The following KLHL3 variants were observed in gnomAD, a reference collection of about 807,000 sequenced individuals.
KLHL3 encodes the protein kelch like family member 3, also known as kelch-like protein 3.
In KLHL3, 19 loss-of-function variants were observed where a neutral mutation model predicts 70.5. The ratio of observed to expected loss-of-function variants is 0.27; its 90% CI spans 0.19 to 0.40. The LOEUF is 0.40. Ranked by LOEUF, KLHL3 falls within the 10% of genes least tolerant of loss-of-function variation. KLHL3 has a pLI of 1.00. For synonymous variants in KLHL3, 258 were observed against 290.3 expected, an observed-to-expected ratio of 0.89 and a Z score of 1.13; for missense variants, 512 against 771.1, an observed-to-expected ratio of 0.66 and a Z score of 3.98.
chr5:137,683,737 TTCTCTC>T (rs377097204), intron 5 of KLHL3, among the ~76,000 whole-genome samples: 25 of 141,434 alleles, frequency 1.8e-4, no homozygotes, highest in African/African-American at 5.5e-4. Context: ...CTCCCTCTCT[TTCTCTC>T]TCTCTCTCTC....
chr5:137,629,925 G>T (rs1373967898), intron 12 of KLHL3: 1 of 152,156 alleles, frequency 6.6e-6, no homozygotes, highest in African/African-American at 2.4e-5. Flanking sequence ...AGCGAGCTGC[G>T]TTCCAGGCAC....
chr5:137,713,732 T>C (rs981989012), intron 2 of KLHL3, among the ~76,000 whole-genome samples: 3 of 152,148 alleles, frequency 2.0e-5, no homozygotes, highest in African/African-American at 4.8e-5. Flanking sequence ...ATCAGGATAA[T>C]GAAAAGACAA....
chr5:137,661,301 C>G (rs1410845349), intron 7 of KLHL3: 2 of 152,180 alleles, frequency 1.3e-5, no homozygotes, highest in Non-Finnish European at 2.9e-5. Context: ...CAATCTTTGC[C>G]CCTCTGGGTT....
At chr5:137,625,950 C>A in intron 13 of KLHL3, 54 bp from the exon 14 acceptor site, 1 of 1,607,490 alleles carries the variant, frequency 6.2e-7, no homozygotes, top group South Asian at 1.1e-5. Flanking sequence ...ACTAAGAGAT[C>A]AGAATTGATC....
chr5:137,684,062 T>C (rs943598237), intron 5 of KLHL3, among the ~76,000 whole-genome samples: 2 of 152,054 alleles, frequency 1.3e-5, no homozygotes, highest in African/African-American at 4.8e-5. Context: ...GGGTGGGAAA[T>C]AAGTAGCGGG....
intron 6 of KLHL3, among the ~76,000 whole-genome samples, chr5:137,665,016 T>A (rs1184112626): frequency 6.6e-6 from 1 of 152,160 alleles, no homozygotes; most frequent in Non-Finnish European, 1.5e-5. Context: ...TGTGATTTAA[T>A]TGAAAAGACA....
At chr5:137,696,571 T>C (rs1752449349) in intron 4 of KLHL3, among the ~76,000 whole-genome samples, 2 of 152,172 alleles carry the variant, frequency 1.3e-5, no homozygotes, top group African/African-American at 4.8e-5. Context: ...GCTCAGTTGA[T>C]GTTAGTTTTT....
chr5:137,622,219 C>G, intron 14 of KLHL3, 93 bp from the exon 15 acceptor site: 2 of 1,429,044 alleles, frequency 1.4e-6, no homozygotes, highest in East Asian at 2.3e-5. Context: ...TCCTGAGTCA[C>G]AGCCAAGGGA....
intron 2 of KLHL3, among the ~76,000 whole-genome samples, chr5:137,718,788 C>A (rs1477579282): frequency 6.6e-6 from 1 of 152,186 alleles, no homozygotes; most frequent in East Asian, 1.9e-4. Context: ...CAGCCTGATG[C>A]CTAAGACAGC....
chr5:137,637,664 T>C (rs565270837), intron 10 of KLHL3, among the ~76,000 whole-genome samples: 1 of 152,258 alleles, frequency 6.6e-6, no homozygotes, highest in Non-Finnish European at 1.5e-5. Context: ...ATGTAGATCA[T>C]AAAAACCGCA....
intron 4 of KLHL3, among the ~76,000 whole-genome samples, chr5:137,696,533 T>A (rs1442486426): frequency 1.3e-5 from 2 of 152,254 alleles, no homozygotes; most frequent in Non-Finnish European, 2.9e-5. Flanking sequence ...TTTAAAGCAG[T>A]TAGCACAGTG....
chr5:137,724,963 C>A, intron 1 of KLHL3: 2 of 736,816 alleles, frequency 2.7e-6, no homozygotes, highest in Non-Finnish European at 3.3e-6. Context: ...TACATAAATG[C>A]ACACACATAT....
Position 137,618,343 on chromosome 5 carries a change from T to G in KLHL3, c.*3755A>C, listed in dbSNP as rs963854057. 2.0e-5 allele frequency: 3 copies of G among 151,892 alleles called. No homozygotes were observed. The highest frequency in any genetic ancestry group is 4.4e-5 in the Non-Finnish European group (3 of 67,972). 9.4% of individuals were successfully genotyped at this position (151,892 alleles called of 1,614,324 possible). A position where few individuals can be genotyped will look rare whatever the true frequency, so the allele number is the denominator to read the frequency against. On this transcript the variant is annotated 3_prime_UTR_variant, in exon 15 of 15. Transcript: ENST00000309755. ...GCACCTGTCCCAACAATAATAATAA[T>G]AATAATAAATTTTAAAAACCATGAT... is the stretch of plus-strand genomic sequence containing the variant.
At chr5:137,701,329 T>A (rs1426658058) in intron 3 of KLHL3, among the ~76,000 whole-genome samples, 1 of 152,192 alleles carries the variant, frequency 6.6e-6, no homozygotes, top group Non-Finnish European at 1.5e-5. Flanking sequence ...ATTACAGGCA[T>A]GAGCCACCGT....
chr5:137,727,032 T>A (rs1753095437), intron 1 of KLHL3, among the ~76,000 whole-genome samples: 1 of 152,148 alleles, frequency 6.6e-6, no homozygotes, highest in African/African-American at 2.4e-5. Flanking sequence ...AAATTACAGA[T>A]CCACATATCC....
rs547556660 is a variant in KLHL3, at chr5:137,628,293, T to C, written c.1591+4A>G. On this transcript the variant is annotated splice_donor_region_variant and intron_variant, in intron 13 of 14. Transcript: ENST00000309755. Reference sequence around the variant, plus strand: ...AAAGGGGAGATGGAGAGAGCAGTCATTACCTGCGTTGCGCCGGCACATGTT... The same window carrying C: ...AAAGGGGAGATGGAGAGAGCAGTCACTACCTGCGTTGCGCCGGCACATGTT... 1.2e-6 allele frequency: 2 copies of C among 1,614,140 alleles called. No individual in the cohort carries two copies. The highest frequency in any genetic ancestry group is 2.2e-5 in the East Asian group (1 of 44,886).
chr5:137,628,137 C>T (rs1750527539), intron 13 of KLHL3, 160 bp downstream of exon 13: 2 of 822,804 alleles, frequency 2.4e-6, no homozygotes, highest in Non-Finnish European at 1.9e-6. Flanking sequence ...CAATTTCTCC[C>T]CTCCTCTAAT....
intron 8 of KLHL3, among the ~76,000 whole-genome samples, chr5:137,646,317 C>A (rs762055368): frequency 6.6e-6 from 1 of 152,136 alleles, no homozygotes; most frequent in Non-Finnish European, 1.5e-5. Flanking sequence ...GAAAGAGGAA[C>A]TCTTATACCC....
rs1750273036 is a variant in KLHL3, at chr5:137,620,716, G to C, written c.*1382C>G. The C allele has an allele frequency of 6.6e-6, 1 of 152,190 alleles. No individual in the cohort carries two copies. Among genetic ancestry groups the C allele is most frequent in the Admixed American group, 6.5e-5 (1 of 15,286 alleles). The allele number at this position is 152,190 out of a possible 1,614,324, so 9.4% of individuals were successfully genotyped here. A position where few individuals can be genotyped will look rare whatever the true frequency, so the allele number is the denominator to read the frequency against. On this transcript the variant is annotated 3_prime_UTR_variant, in exon 15 of 15. Transcript: ENST00000309755. ...GTTCTATTGTTAATAATTTTTACCT[G>C]TGAATTAGCAAAGCTCTCACCAAGC...
Sources: allele counts gnomAD v4.1 joint callset (sites outside exome capture counted in the v4.1 genomes callset), GRCh38; gene constraint gnomAD v4.1.1; transcripts MANE v1.5; gene names NCBI Gene and HGNC (gene_info 2026-07-23, HGNC 2026-07-21).